The following PTPRJ variants were observed in gnomAD, a reference collection of about 807,000 sequenced individuals.
PTPRJ encodes the protein receptor-type tyrosine-protein phosphatase eta.
PTPRJ carries 129 observed loss-of-function variants against 141.3 expected under a neutral mutation model. The observed-to-expected ratio is 0.91, with a 90% CI of 0.79 to 1.06. The LOEUF is 1.06. Ranked by LOEUF, PTPRJ falls within the 50% of genes least tolerant of loss-of-function variation. The pLI is 0.00. For synonymous variants in PTPRJ, 610 were observed against 640.5 expected, an observed-to-expected ratio of 0.95 and a Z score of 0.72; for missense variants, 1,601 against 1,679.7, an observed-to-expected ratio of 0.95 and a Z score of 0.82.
chr11:48,130,137 A>G (rs1467949043), intron 7 of PTPRJ, among the ~76,000 whole-genome samples: 1 of 150,362 alleles, frequency 6.7e-6, no homozygotes, highest in East Asian at 1.9e-4. Context: ...AATGCATTCG[A>G]GATAAAGCAG....
chr11:48,072,995 G>A (rs1438526222), intron 1 of PTPRJ, among the ~76,000 whole-genome samples: 1 of 152,170 alleles, frequency 6.6e-6, no homozygotes, highest in Non-Finnish European at 1.5e-5. Flanking sequence ...AATGATGATG[G>A]TACTTGAATG....
At chr11:48,122,460 C>T (rs1856728910) in intron 4 of PTPRJ, among the ~76,000 whole-genome samples, 1 of 152,196 alleles carries the variant, frequency 6.6e-6, no homozygotes, top group Admixed American at 6.5e-5. Context: ...GCGTATTGAG[C>T]ACGGCACATG....
At chr11:48,047,233 A>G (rs1400586300) in intron 1 of PTPRJ, among the ~76,000 whole-genome samples, 5 of 152,132 alleles carry the variant, frequency 3.3e-5, no homozygotes, top group African/African-American at 1.2e-4. Flanking sequence ...AAAATTGTTT[A>G]AAAAGCAGTT....
In PTPRJ at chr11:47,981,476, C is replaced by G. The variant is rs555034059; in HGVS notation, c.96+468C>G. Among the ~76,000 whole-genome samples the G allele has an allele frequency of 3.3e-5, 5 of 152,286 alleles. 1 individual carries two copies. The South Asian group carries it at 1.0e-3, about 32-fold the overall frequency. On this transcript the variant is annotated intron_variant, in intron 1 of 24. Coordinates refer to ENST00000418331, the MANE Select transcript of PTPRJ (RefSeq NM_002843.4). ...CCGAGGGGCGGCGGGGGCGACAGGG[C>G]AGGGCCAGGCGCTGGGCAGTGGGGC...
At chr11:48,149,390 G>C in intron 15 of PTPRJ, 57 bp from the exon 16 acceptor site, 1 of 1,193,344 alleles carries the variant, frequency 8.4e-7, no homozygotes, top group South Asian at 1.4e-5. Flanking sequence ...ATACACAAGG[G>C]AAAAGCACAG....
intron 1 of PTPRJ, among the ~76,000 whole-genome samples, chr11:48,023,828 T>A (rs966875286): frequency 6.7e-6 from 1 of 148,540 alleles, no homozygotes; most frequent in Non-Finnish European, 1.5e-5. Context: ...ATAAATAAAT[T>A]GGAATTTAAT....
Position 48,167,541 on chromosome 11 carries a change from G to T in PTPRJ, c.*179G>T. 3.3e-6 allele frequency: 2 copies of T among 612,884 alleles called. No homozygotes were observed. Among genetic ancestry groups the T allele is most frequent in the Non-Finnish European group, 5.1e-6 (2 of 388,564 alleles). 38.0% of individuals were successfully genotyped at this position (612,884 alleles called of 1,614,324 possible). On this transcript the variant is annotated 3_prime_UTR_variant, in exon 25 of 25. Coordinates refer to ENST00000418331, the MANE Select transcript of PTPRJ (RefSeq NM_002843.4). ...TAGATGACAAATTGGGGCTGTCGGG[G>T]GCTGTGGATGGGTGGGGAGCAAATC...
chr11:48,163,600 C>T lies in PTPRJ; in HGVS notation c.3701C>T (p.Pro1234Leu), dbSNP rs1053450251. The change falls in exon 23 of 25, where the codon CCG becomes CTG. Residue 1234 changes from proline (P) to leucine (L), a missense_variant. Transcript: ENST00000418331. ...ATGAAGCAGAGTCCTCCCGAATCGC[C>T]GATTCTGGTGCATTGCAGGTACGCA... ...DYMKQSPPES[P>L]ILVHCSAGVG... 1.1e-5 allele frequency: 17 copies of T among 1,613,628 alleles called. No homozygotes were observed. The highest frequency in any genetic ancestry group is 3.3e-5 in the South Asian group (3 of 91,070).
At chr11:48,107,312 A>C (rs1176938219) in intron 1 of PTPRJ, among the ~76,000 whole-genome samples, 1 of 152,070 alleles carries the variant, frequency 6.6e-6, no homozygotes, top group African/African-American at 2.4e-5. Context: ...GGAGGATGTG[A>C]AACTAGAACC....
chr11:48,160,619 T>C (rs1343316429), intron 22 of PTPRJ, among the ~76,000 whole-genome samples: 2 of 152,216 alleles, frequency 1.3e-5, no homozygotes, highest in African/African-American at 2.4e-5. Context: ...CATTGGTATC[T>C]GTTGATGGGT....
At chr11:48,131,031 T>TACACACACAC (rs368230622) in intron 8 of PTPRJ, among the ~76,000 whole-genome samples, 4,906 of 68,600 alleles carry the variant, frequency 0.072, 258 homozygotes, top group Non-Finnish European at 0.099. Flanking sequence ...TAATATTTAA[T>TACACACACAC]ACACACACAC....
chr11:48,000,702 A>G (rs1352424691), intron 1 of PTPRJ, among the ~76,000 whole-genome samples: 1 of 151,816 alleles, frequency 6.6e-6, no homozygotes, highest in Non-Finnish European at 1.5e-5. Flanking sequence ...GCCTGGTACT[A>G]TCCTCCTCGC....
chr11:48,163,785 CAG>C (rs1423497530), intron 23 of PTPRJ, among the ~76,000 whole-genome samples, 167 bp downstream of exon 23: 1 of 152,310 alleles, frequency 6.6e-6, no homozygotes, highest in Admixed American at 6.5e-5. Context: ...GCTTCCAAAA[CAG>C]GGGTTGGCAA....
intron 1 of PTPRJ, among the ~76,000 whole-genome samples, chr11:48,024,333 G>T (rs1441716555): frequency 2.6e-5 from 4 of 152,104 alleles, no homozygotes; most frequent in African/African-American, 4.8e-5. Context: ...GAGTAGCTGG[G>T]ACTACAGACG....
intron 1 of PTPRJ, chr11:48,096,698 C>T (rs1409696988): frequency 6.5e-6 from 1 of 154,812 alleles, no homozygotes; most frequent in Non-Finnish European, 1.5e-5. Context: ...CAGAGCAGAC[C>T]CTGGGCTGCA....
At chr11:48,002,784 G>T (rs1032837963) in intron 1 of PTPRJ, among the ~76,000 whole-genome samples, 1 of 152,188 alleles carries the variant, frequency 6.6e-6, no homozygotes, top group Non-Finnish European at 1.5e-5. Context: ...AGAATGAGCA[G>T]CTGGAGCTGC....
intron 1 of PTPRJ, among the ~76,000 whole-genome samples, chr11:48,086,776 C>A (rs116845024): frequency 1.3e-5 from 2 of 152,158 alleles, no homozygotes; most frequent in Non-Finnish European, 2.9e-5. Context: ...CTATAACTTC[C>A]GGGTGCTCTT....
intron 1 of PTPRJ, among the ~76,000 whole-genome samples, chr11:47,997,552 T>TC (rs1854375106): frequency 6.6e-6 from 1 of 152,152 alleles, no homozygotes; most frequent in Non-Finnish European, 1.5e-5. Flanking sequence ...GTCGAGTTCT[T>TC]CCCTAGTGTT....
intron 1 of PTPRJ, among the ~76,000 whole-genome samples, chr11:48,034,001 A>G (rs1854059898): frequency 6.6e-6 from 1 of 152,222 alleles, no homozygotes; most frequent in Non-Finnish European, 1.5e-5. Flanking sequence ...GGAACTTACA[A>G]GAGCTTCTAG....
Sources: allele counts gnomAD v4.1 joint callset (sites outside exome capture counted in the v4.1 genomes callset), GRCh38; gene constraint gnomAD v4.1.1; transcripts MANE v1.5; gene names NCBI Gene and HGNC (gene_info 2026-07-23, HGNC 2026-07-21).